The following TMEM232 variants were observed in gnomAD, a reference collection of about 807,000 sequenced individuals.
The protein encoded by TMEM232 is transmembrane protein 232.
In TMEM232, 80 loss-of-function variants were observed where a neutral mutation model predicts 78.8. The ratio of observed to expected loss-of-function variants is 1.01; its 90% CI spans 0.85 to 1.22. The LOEUF is 1.22. Ranked by LOEUF, TMEM232 falls within the 50% of genes most tolerant of loss-of-function variation. The probability of loss-of-function intolerance (pLI) is 0.00; values close to 1 mark genes in which losing one functional copy is unlikely to be tolerated. For missense variants in TMEM232, 881 were observed against 742.2 expected (o/e 1.19, Z -2.17); for synonymous variants, 297 against 254.3 (o/e 1.17, Z -1.60).
At chr5:110,512,216 G>T (rs181090866) in intron 12 of TMEM232, among the ~76,000 whole-genome samples, 1 of 152,074 alleles carries the variant, frequency 6.6e-6, no homozygotes, top group Non-Finnish European at 1.5e-5. Flanking sequence ...TTTTTATTAA[G>T]TACTATATCT....
At chr5:110,543,657 T>C (rs1448939932) in intron 11 of TMEM232, among the ~76,000 whole-genome samples, 3 of 152,124 alleles carry the variant, frequency 2.0e-5, no homozygotes, top group African/African-American at 7.2e-5. Flanking sequence ...TAAAGGATGA[T>C]CTGCCTTCTA....
intron 1 of TMEM232, among the ~76,000 whole-genome samples, chr5:110,691,156 A>G (rs115342911): frequency 0.011 from 1,717 of 151,612 alleles, 51 homozygotes; most frequent in African/African-American, 0.039. Context: ...AAAAAAAAAA[A>G]AAAGAAAGAA....
chr5:110,593,689 G>A (rs1379357589), intron 10 of TMEM232, among the ~76,000 whole-genome samples: 4 of 152,114 alleles, frequency 2.6e-5, no homozygotes, highest in Non-Finnish European at 4.4e-5. Flanking sequence ...ATAGGGTGAT[G>A]AGGAGGAAAT....
chr5:110,394,255 G>T (rs993883391), intron 3 of TMEM232, among the ~76,000 whole-genome samples: 2 of 152,066 alleles, frequency 1.3e-5, no homozygotes, highest in Non-Finnish European at 2.9e-5. Flanking sequence ...ACCTCCAATT[G>T]CATCTATGCA....
chr5:110,412,204 A>T (rs1044969244), intron 2 of TMEM232, among the ~76,000 whole-genome samples: 1 of 152,216 alleles, frequency 6.6e-6, no homozygotes, highest in African/African-American at 2.4e-5. Context: ...TTAAAAACAT[A>T]AGTCAATAGA....
At chr5:110,428,273 C>T (rs549920429) in intron 12 of TMEM232, among the ~76,000 whole-genome samples, 2 of 151,986 alleles carry the variant, frequency 1.3e-5, no homozygotes, top group South Asian at 4.1e-4. Flanking sequence ...ATAGCCTTAA[C>T]ATTCCCCTCA....
intron 11 of TMEM232, among the ~76,000 whole-genome samples, chr5:110,538,413 T>C (rs1365240762): frequency 6.6e-6 from 1 of 151,940 alleles, no homozygotes; most frequent in African/African-American, 2.4e-5. Flanking sequence ...TGAAGAAAAA[T>C]GGCAGGCAAA....
At chr5:110,520,050 T>TATAGAGAG (rs374219408) in intron 12 of TMEM232, among the ~76,000 whole-genome samples, 6,375 of 147,100 alleles carry the variant, frequency 0.043, 179 homozygotes, top group East Asian at 0.1. Context: ...TATATATATA[T>TATAGAGAG]AGAGAGAGAG....
At chr5:110,464,017 T>C (rs1761818113) in intron 12 of TMEM232, among the ~76,000 whole-genome samples, 1 of 152,226 alleles carries the variant, frequency 6.6e-6, no homozygotes, top group Non-Finnish European at 1.5e-5. Flanking sequence ...GGGTCTTAGC[T>C]CAAATGCTAC....
At chr5:110,676,307 T>G (rs931441569) in intron 1 of TMEM232, among the ~76,000 whole-genome samples, 4 of 152,096 alleles carry the variant, frequency 2.6e-5, no homozygotes, top group African/African-American at 7.2e-5. Context: ...GGTTGGTTCC[T>G]AAGGTAGTTC....
At chr5:110,511,807 A>G (rs1767789201) in intron 12 of TMEM232, among the ~76,000 whole-genome samples, 1 of 152,178 alleles carries the variant, frequency 6.6e-6, no homozygotes, top group Non-Finnish European at 1.5e-5. Context: ...ACTCTACCAC[A>G]TAAAACACAT....
intron 10 of TMEM232, among the ~76,000 whole-genome samples, chr5:110,593,996 C>G (rs1007585826): frequency 6.6e-6 from 1 of 152,038 alleles, no homozygotes; most frequent in African/African-American, 2.4e-5. Context: ...AAAAATCACA[C>G]TGTTGTGGGG....
chr5:110,564,462 G>A (rs1180286018), intron 11 of TMEM232, among the ~76,000 whole-genome samples: 3 of 151,912 alleles, frequency 2.0e-5, no homozygotes, highest in Non-Finnish European at 2.9e-5. Flanking sequence ...CCAAGAAGCT[G>A]TAAATATTTA....
intron 12 of TMEM232, among the ~76,000 whole-genome samples, chr5:110,461,068 AAG>A (rs1312513552): frequency 6.6e-6 from 1 of 152,120 alleles, no homozygotes; most frequent in African/African-American, 2.4e-5. Flanking sequence ...AAATGAAAGG[AAG>A]AGTCACATGT....
At chr5:110,700,666 T>C (rs115287950) in intron 1 of TMEM232, among the ~76,000 whole-genome samples, 1,840 of 151,938 alleles carry the variant, frequency 0.012, 46 homozygotes, top group African/African-American at 0.042. Flanking sequence ...AGAAGAGGTA[T>C]GGGAGGCTCT....
intron 11 of TMEM232, among the ~76,000 whole-genome samples, chr5:110,533,083 A>T (rs1429460223): frequency 2.0e-5 from 3 of 152,010 alleles, no homozygotes; most frequent in Admixed American, 2.0e-4. Flanking sequence ...TTCCGTTCTT[A>T]ATCTTAAAGA....
intron 11 of TMEM232, among the ~76,000 whole-genome samples, chr5:110,531,175 C>T (rs1561638835): frequency 6.6e-6 from 1 of 152,004 alleles, no homozygotes; most frequent in African/African-American, 2.4e-5. Flanking sequence ...AACAACCCCC[C>T]TTTTTCCTTT....
At chr5:110,431,554 A>G (rs1407160331) in intron 12 of TMEM232, among the ~76,000 whole-genome samples, 2 of 151,760 alleles carry the variant, frequency 1.3e-5, no homozygotes, top group Non-Finnish European at 3.0e-5. Context: ...ATAAAAAATG[A>G]TAAGGCATAC....
intron 9 of TMEM232, 65 bp from the exon 10 acceptor site, chr5:110,605,423 G>GCA (rs1781426923): frequency 6.9e-7 from 1 of 1,449,880 alleles, no homozygotes; most frequent in African/African-American, 1.4e-5. Flanking sequence ...ACTACACAGT[G>GCA]TACTTATAAT....
Sources: allele counts gnomAD v4.1 joint callset (sites outside exome capture counted in the v4.1 genomes callset), GRCh38; gene constraint gnomAD v4.1.1; transcripts MANE v1.5; gene names NCBI Gene and HGNC (gene_info 2026-07-23, HGNC 2026-07-21).